The following PLXND1 variants were observed in gnomAD, a reference collection of about 807,000 sequenced individuals.
PLXND1 encodes the protein plexin D1.
A neutral mutation model predicts 197.7 loss-of-function variants in PLXND1; 54 were observed. The observed-to-expected ratio is 0.27, with a 90% CI of 0.22 to 0.34. The LOEUF is 0.34. Ranked by LOEUF, PLXND1 falls within the 10% of genes least tolerant of loss-of-function variation. The pLI is 1.00. For missense variants in PLXND1, 2,127 were observed against 2,699.2 expected, an observed-to-expected ratio of 0.79 and a Z score of 4.70; for synonymous variants, 1,180 against 1,161.2, an observed-to-expected ratio of 1.02 and a Z score of -0.33.
In PLXND1 at chr3:129,571,241, T is replaced by C. The variant is rs750096497; in HGVS notation, c.3399A>G (p.Ala1133=). ...TGATGAAGAAGTCCACTGGCGCTGA[T>C]GCGTTGCTCAGGGCCCCGGGGGACG... is the stretch of plus-strand genomic sequence containing the variant. The part of the protein sequence containing the change: ...TCPSPGALSN[A]SAPVDFFING... Residue 1133 remains alanine (A), a synonymous_variant, in exon 18 of 36, where the codon GCA becomes GCG. Coordinates refer to ENST00000324093, the MANE Select transcript of PLXND1 (RefSeq NM_015103.3). 3 of 1,614,014 alleles carry C rather than the reference T, an allele frequency of 1.9e-6. No individual in the cohort carries two copies. The highest frequency in any genetic ancestry group is 2.2e-5 in the East Asian group (1 of 44,886).
At chr3:129,571,952 G>T in intron 15 of PLXND1, 108 bp from the exon 16 acceptor site, 1 of 1,059,686 alleles carries the variant, frequency 9.4e-7, no homozygotes, top group Non-Finnish European at 1.4e-6. Context: ...TGGGGTTCAA[G>T]GCCTCCTTGA....
Position 129,572,835 on chromosome 3 carries a change from C to T in PLXND1, c.2937+7G>A, listed in dbSNP as rs770460856. On this transcript the variant is annotated splice_region_variant and intron_variant, in intron 14 of 35. Coordinates refer to ENST00000324093, the MANE Select transcript of PLXND1 (RefSeq NM_015103.3). The stretch of plus-strand genomic sequence containing the variant: ...GGGCCGGACAGTGGGCTGCAGCCCC[C>T]CCTTACCACGTAGGAGAAGCGGTCC... The T allele has an allele frequency of 1.9e-6, 3 of 1,613,478 alleles. 1 individual carries two copies. The South Asian group carries it at 3.3e-5, about 18-fold the overall frequency.
rs367766830 is a variant in PLXND1, at chr3:129,602,337, G to A, written c.1311+2992C>T. 7.9e-5 allele frequency among the ~76,000 whole-genome samples: 12 copies of A among 152,162 alleles called. No individual in the cohort carries two copies. The East Asian group carries it at 1.7e-3, about 22-fold the overall frequency. ...CCCACTCTACTCGCCTGGCCACGCAGACCCCCTCGAGCCTGCTCACAGCCT... is the reference window on the plus strand; with the variant it reads ...CCCACTCTACTCGCCTGGCCACGCAAACCCCCTCGAGCCTGCTCACAGCCT... On this transcript the variant is annotated intron_variant, in intron 1 of 35. Coordinates refer to ENST00000324093, the MANE Select transcript of PLXND1 (RefSeq NM_015103.3).
chr3:129,605,393 A>C lies in PLXND1; in HGVS notation c.1247T>G (p.Val416Gly), dbSNP rs1215507895. The change falls in exon 1 of 36, where the codon GTG becomes GGG. Residue 416 changes from valine to glycine, a missense_variant. This residue lies in a region of PLXND1 where 1,095 missense variants were observed against 1,259.8 expected (regional missense o/e 0.87). Transcript: ENST00000324093. ...CTGCACCACGCTGTCGAGCACCGCC[A>C]CCACGTCGGGCGCCGGTTCCACGAA... is the stretch of plus-strand genomic sequence containing the variant. ...ACFVEPAPDV[V>G]AVLDSVVQGT... 1.3e-6 allele frequency: 2 copies of C among 1,501,382 alleles called. No homozygotes were observed. Among genetic ancestry groups the C allele is most frequent in the Admixed American group, 4.3e-5 (2 of 46,446 alleles). 93.0% of individuals were successfully genotyped at this position (1,501,382 alleles called of 1,614,324 possible).
rs1214374615 is a variant in PLXND1 at position 129,556,341 on chromosome 3, T to A, written c.5749A>T (p.Asn1917Tyr). 1 of 1,613,540 alleles carries A rather than the reference T, an allele frequency of 6.2e-7. No individual in the cohort carries two copies. The highest frequency in any genetic ancestry group is 8.5e-7 in the Non-Finnish European group (1 of 1,179,544). Residue 1917 changes from asparagine to tyrosine, a missense_variant, in exon 36 of 36, where the codon AAC becomes TAC. This residue lies in a region of PLXND1 where 200 missense variants were observed against 303.3 expected (regional missense o/e 0.66). Transcript: ENST00000324093. ...GCCTCACTGTAGCACTCGTAGATGT[T>A]GTCCTCCATCAAAGCCACCACCTGC... ...FEQVVALMED[N>Y]IYECYSEA
intron 13 of PLXND1, 101 bp downstream of exon 13, chr3:129,573,493 G>A: frequency 8.4e-7 from 1 of 1,197,238 alleles, no homozygotes; most frequent in Non-Finnish European, 1.2e-6. Context: ...CTTCCAGAAA[G>A]CAGCAGAGTG....
Position 129,562,960 on chromosome 3 carries a change from G to A in PLXND1, c.4669-17C>T, listed in dbSNP as rs376614006. 39 of 1,601,986 alleles carry A rather than the reference G, an allele frequency of 2.4e-5. No homozygotes were observed. The African/African-American group carries it at 5.0e-4, about 20-fold the overall frequency. On this transcript the variant is annotated splice_polypyrimidine_tract_variant and intron_variant, in intron 26 of 35. Transcript: ENST00000324093. ...GTTCAGGTTCTGCAGGGGGAGAGTGGGAGAGAAAGGTCAGTGAGTTGCTGC... is the reference window on the plus strand; with the variant it reads ...GTTCAGGTTCTGCAGGGGGAGAGTGAGAGAGAAAGGTCAGTGAGTTGCTGC...
chr3:129,588,278 G>T (rs900594072), intron 2 of PLXND1, among the ~76,000 whole-genome samples: 1 of 152,158 alleles, frequency 6.6e-6, no homozygotes, highest in Non-Finnish European at 1.5e-5. Context: ...CCTTGCAGGG[G>T]TGTGAGAATT....
At chr3:129,596,892 G>C (rs1230739186) in intron 1 of PLXND1, among the ~76,000 whole-genome samples, 3 of 152,148 alleles carry the variant, frequency 2.0e-5, no homozygotes, top group Admixed American at 6.5e-5. Context: ...TCTCCGGGCT[G>C]GATTCCATGA....
intron 4 of PLXND1, 42 bp downstream of exon 4, chr3:129,586,130 C>A: frequency 1.9e-6 from 3 of 1,612,084 alleles, no homozygotes; most frequent in Non-Finnish European, 2.5e-6. Context: ...CTCCCACCCC[C>A]ACAGCCCTCC....
chr3:129,594,371 C>A (rs541616069), intron 1 of PLXND1, among the ~76,000 whole-genome samples: 1 of 152,122 alleles, frequency 6.6e-6, no homozygotes, highest in Admixed American at 6.5e-5. Context: ...GTAATCCCAG[C>A]GCTTTGGGAG....
chr3:129,555,440 T>A lies in PLXND1; in HGVS notation c.*872A>T. 1.5e-6 allele frequency: 1 copy of A among 669,420 alleles called. No individual in the cohort carries two copies. The allele number at this position is 669,420 out of a possible 1,614,324, so 41.5% of individuals were successfully genotyped here. A position where few individuals can be genotyped will look rare whatever the true frequency, so the allele number is the denominator to read the frequency against. ...TCTGCCCGCTCTCTGGAACAGTCATTTCCAGTGTTGCATGGGGAGCCTCTC... is the reference window on the plus strand; with the variant it reads ...TCTGCCCGCTCTCTGGAACAGTCATATCCAGTGTTGCATGGGGAGCCTCTC... On this transcript the variant is annotated 3_prime_UTR_variant, in exon 36 of 36. Transcript: ENST00000324093.
At chr3:129,581,132 G>A (rs892504510) in intron 8 of PLXND1, among the ~76,000 whole-genome samples, 2 of 152,140 alleles carry the variant, frequency 1.3e-5, no homozygotes, top group Non-Finnish European at 2.9e-5. Context: ...ACTTCTCCCG[G>A]CTCCCGAGGG....
rs749491033 is a variant in PLXND1, at chr3:129,569,879, C to T, written c.3829G>A (p.Val1277Ile). ...AGCAGCAGCAGGACGCTGCAGATGA[C>T]GATGGACACGATGATGGCCGTCTCG... The part of the protein sequence containing the change: ...GSETAIIVSI[V>I]ICSVLLLLSV... Residue 1277 changes from valine to isoleucine, a missense_variant, in exon 20 of 36, where the codon GTC (valine) becomes ATC (isoleucine). Physicochemically the swap from Val to Ile is conservative, Grantham distance 29. Coordinates refer to ENST00000324093, the MANE Select transcript of PLXND1 (RefSeq NM_015103.3). 39 of 1,612,224 alleles carry T rather than the reference C, an allele frequency of 2.4e-5. No homozygotes were observed. The highest frequency in any genetic ancestry group is 2.7e-5 in the Non-Finnish European group (32 of 1,178,546).
In PLXND1 at chr3:129,555,546, T is replaced by TA; in HGVS notation, c.*765_*766insT. 5 of 661,424 alleles carry TA rather than the reference T, an allele frequency of 7.6e-6. No homozygotes were observed. The highest frequency in any genetic ancestry group is 2.8e-5 in the East Asian group (1 of 35,406). The allele number at this position is 661,424 out of a possible 1,614,324, so 41.0% of individuals were successfully genotyped here. On this transcript the variant is annotated 3_prime_UTR_variant, in exon 36 of 36. Transcript: ENST00000324093. ...ATACGTTTTTTAATATATAAAAGCTTTAAAAAAAAAAGTGGTGCTATCTTT... is the reference window on the plus strand; with the variant it reads ...ATACGTTTTTTAATATATAAAAGCTTATAAAAAAAAAAGTGGTGCTATCTTT...
chr3:129,586,556 G>T, intron 3 of PLXND1, 32 bp downstream of exon 3: 1 of 1,557,814 alleles, frequency 6.4e-7, no homozygotes, highest in East Asian at 2.4e-5. Flanking sequence ...GGCTGGTGCT[G>T]GGATGGCGTT....
intron 3 of PLXND1, 107 bp downstream of exon 3, chr3:129,586,481 T>C: frequency 1.5e-6 from 2 of 1,345,052 alleles, no homozygotes; most frequent in Non-Finnish European, 2.1e-6. Context: ...ATAAGGGAGA[T>C]GGAGGAGGAG....
Position 129,595,921 on chromosome 3 carries a change from G to GCACGCACACA in PLXND1, c.1312-6395_1312-6394insTGTGTGCGTG, listed in dbSNP as rs1553793028. On this transcript the variant is annotated intron_variant, in intron 1 of 35. Coordinates refer to ENST00000324093, the MANE Select transcript of PLXND1 (RefSeq NM_015103.3). ...CTTACAGCCCTGGGGGTGCACGCACGCACACACACACACACACACACACAC... is the reference window on the plus strand; with the variant it reads ...CTTACAGCCCTGGGGGTGCACGCACGCACGCACACACACACACACACACACACACACACAC... Among the ~76,000 whole-genome samples the GCACGCACACA allele has an allele frequency of 2.7e-5, 4 of 146,514 alleles. No individual in the cohort carries two copies. The South Asian group carries it at 6.6e-4, about 24-fold the overall frequency.
intron 29 of PLXND1, 136 bp from the exon 30 acceptor site, chr3:129,560,859 GGAGA>G: frequency 1.4e-6 from 1 of 708,294 alleles, no homozygotes; most frequent in East Asian, 2.7e-5. Context: ...ACAGAAAGAT[GGAGA>G]GAGAAACAGA....
Sources: allele counts gnomAD v4.1 joint callset (sites outside exome capture counted in the v4.1 genomes callset), GRCh38; gene constraint gnomAD v4.1.1; regional missense constraint gnomAD v4.1.1; transcripts MANE v1.5; gene names NCBI Gene and HGNC (gene_info 2026-07-23, HGNC 2026-07-21).